VPS8: variants seen among roughly 807,000 people sequenced by gnomAD.
VPS8 encodes the protein VPS8 subunit of CORVET complex.
Under a neutral mutation model 216.4 loss-of-function variants are expected in VPS8, and 129 were observed. The observed-to-expected ratio is 0.60, with a 90% CI of 0.52 to 0.69. The LOEUF is 0.69. Among genes scored for constraint, VPS8 ranks in the 30% least tolerant of loss-of-function variants. The probability of loss-of-function intolerance (pLI) is 0.00; values close to 1 mark genes in which losing one functional copy is unlikely to be tolerated. For synonymous variants in VPS8, 571 were observed against 565.4 expected, an observed-to-expected ratio of 1.01 and a Z score of -0.14; for missense variants, 1,531 against 1,683.5, an observed-to-expected ratio of 0.91 and a Z score of 1.59.
At chr3:184,966,459 A>G (rs1747424968) in intron 38 of VPS8, among the ~76,000 whole-genome samples, 1 of 152,170 alleles carries the variant, frequency 6.6e-6, no homozygotes, top group Non-Finnish European at 1.5e-5. Context: ...AGGTGGGCAA[A>G]ATGAGTGCTA....
intron 6 of VPS8, chr3:184,839,462 G>A: frequency 2.2e-6 from 1 of 462,574 alleles, no homozygotes. Context: ...TGCCTATAAT[G>A]TTGAACATAT....
chr3:184,976,095 T>C (rs570037296), intron 40 of VPS8, among the ~76,000 whole-genome samples: 1 of 152,178 alleles, frequency 6.6e-6, no homozygotes, highest in Non-Finnish European at 1.5e-5. Flanking sequence ...TGTATATGTT[T>C]ATAATTATTA....
intron 22 of VPS8, among the ~76,000 whole-genome samples, chr3:184,889,744 C>T (rs960630303): frequency 2.6e-5 from 4 of 152,186 alleles, no homozygotes; most frequent in African/African-American, 7.2e-5. Flanking sequence ...TTGGGTCAAA[C>T]GCTCCCTCTT....
chr3:184,868,033 G>A lies in VPS8; in HGVS notation c.1480G>A (p.Val494Met), dbSNP rs749362179. Residue 494 changes from valine (V) to methionine (M), a missense_variant, in exon 18 of 48, where the codon GTG becomes ATG. Coordinates refer to ENST00000625842, the MANE Select transcript of VPS8 (RefSeq NM_001009921.3). ...IFYLGTKSVY[V>M]MMLRSWRERV... ...TCTCTTTACTTTCCAGTCTGTTTAT[G>A]TGATGATGCTGAGGAGCTGGAGAGA... 1 of 1,612,816 alleles carries A rather than the reference G, an allele frequency of 6.2e-7. No individual in the cohort carries two copies. Among genetic ancestry groups the A allele is most frequent in the Non-Finnish European group, 8.5e-7 (1 of 1,179,718 alleles).
intron 21 of VPS8, among the ~76,000 whole-genome samples, chr3:184,875,113 C>G (rs893753202): frequency 7.8e-6 from 1 of 127,404 alleles, no homozygotes; most frequent in African/African-American, 3.0e-5. Context: ...GTATCTGTCT[C>G]AAGAAGCTAT....
At chr3:184,962,058 G>A (rs9865966) in intron 37 of VPS8, among the ~76,000 whole-genome samples, 72,736 of 151,860 alleles carry the variant, frequency 0.48, 18,233 homozygotes, top group Middle Eastern at 0.66. Context: ...CAGTGCACCC[G>A]GCCACTTTTA....
At chr3:184,904,672 A>G (rs1223835629) in intron 25 of VPS8, among the ~76,000 whole-genome samples, 3 of 152,222 alleles carry the variant, frequency 2.0e-5, no homozygotes, top group Non-Finnish European at 2.9e-5. Context: ...CTTGTTATCA[A>G]AAGAATACCA....
At chr3:184,907,960 C>T (rs929635417) in intron 25 of VPS8, among the ~76,000 whole-genome samples, 5 of 152,158 alleles carry the variant, frequency 3.3e-5, no homozygotes, top group Non-Finnish European at 2.9e-5. Context: ...TATATGCATA[C>T]ATCCTTTTAG....
intron 42 of VPS8, among the ~76,000 whole-genome samples, chr3:184,984,183 C>CAAAAAAAAAAAA (rs1453935100): frequency 0.012 from 34 of 2,886 alleles, 17 homozygotes; most frequent in Admixed American, 0.034. Flanking sequence ...GACTCCGTCT[C>CAAAAAAAAAAAA]AAAAAAAAAA....
At chr3:184,932,597 C>A (rs912572770) in intron 34 of VPS8, among the ~76,000 whole-genome samples, 2 of 152,182 alleles carry the variant, frequency 1.3e-5, no homozygotes, top group South Asian at 2.1e-4. Context: ...CTTCCCCCTT[C>A]CCCCACACAG....
At chr3:184,995,195 G>A (rs909809259) in intron 43 of VPS8, among the ~76,000 whole-genome samples, 5 of 152,114 alleles carry the variant, frequency 3.3e-5, no homozygotes, top group African/African-American at 7.2e-5. Flanking sequence ...CTTGGTGTAC[G>A]GGCTTTTTTC....
intron 46 of VPS8, among the ~76,000 whole-genome samples, chr3:185,027,885 C>T (rs1226321947): frequency 6.6e-6 from 1 of 152,146 alleles, no homozygotes; most frequent in Admixed American, 6.6e-5. Flanking sequence ...CAGACTTATT[C>T]CTGGTTTATG....
chr3:185,029,200 C>T (rs1645969964), intron 46 of VPS8, among the ~76,000 whole-genome samples: 1 of 152,132 alleles, frequency 6.6e-6, no homozygotes, highest in South Asian at 2.1e-4. Flanking sequence ...GGTTCTTATC[C>T]TTGAGCTACA....
chr3:184,856,676 A>T (rs1725323818), intron 14 of VPS8, among the ~76,000 whole-genome samples: 1 of 152,042 alleles, frequency 6.6e-6, no homozygotes, highest in Non-Finnish European at 1.5e-5. Flanking sequence ...CTGTTTCCTT[A>T]GTCTAAATCA....
chr3:184,923,943 C>A (rs1307855310), intron 29 of VPS8, among the ~76,000 whole-genome samples: 1 of 152,152 alleles, frequency 6.6e-6, no homozygotes, highest in Non-Finnish European at 1.5e-5. Flanking sequence ...TCATTTGTGC[C>A]CTTATAATAG....
chr3:184,920,976 C>A (rs921797725), intron 29 of VPS8, among the ~76,000 whole-genome samples: 2 of 152,096 alleles, frequency 1.3e-5, no homozygotes, highest in African/African-American at 4.8e-5. Context: ...ATTAATTTAA[C>A]CTTGTAAGAC....
intron 22 of VPS8, among the ~76,000 whole-genome samples, chr3:184,887,954 C>T (rs1008297614): frequency 6.6e-6 from 1 of 150,760 alleles, no homozygotes; most frequent in East Asian, 2.0e-4. Context: ...CAAAACACAT[C>T]GTGTTTACAG....
At chr3:184,935,304 C>T (rs1387048571) in intron 34 of VPS8, among the ~76,000 whole-genome samples, 2 of 152,166 alleles carry the variant, frequency 1.3e-5, no homozygotes, top group Non-Finnish European at 2.9e-5. Flanking sequence ...GGCTACAGAT[C>T]AGTAGTAGTG....
intron 4 of VPS8, 139 bp from the exon 5 acceptor site, chr3:184,834,508 AAG>A: frequency 3.1e-6 from 2 of 647,380 alleles, no homozygotes; most frequent in South Asian, 2.2e-5. Flanking sequence ...ATAATAATAA[AAG>A]AAAAAAAAAC....
Sources: allele counts gnomAD v4.1 joint callset (sites outside exome capture counted in the v4.1 genomes callset), GRCh38; gene constraint gnomAD v4.1.1; transcripts MANE v1.5; gene names NCBI Gene and HGNC (gene_info 2026-07-23, HGNC 2026-07-21).